Variants in DPY19L1 observed in about 807,000 individuals in gnomAD.
The protein encoded by DPY19L1 is protein C-mannosyl-transferase DPY19L1.
Under a neutral mutation model 96.9 loss-of-function variants are expected in DPY19L1, and 35 were observed. The ratio of observed to expected loss-of-function variants is 0.36; its 90% CI spans 0.28 to 0.48. The LOEUF (loss-of-function observed/expected upper bound fraction) is 0.48. Ranked by LOEUF, DPY19L1 falls within the 20% of genes least tolerant of loss-of-function variation. The pLI is 0.99. For synonymous variants in DPY19L1, 205 were observed against 252.6 expected, an observed-to-expected ratio of 0.81 and a Z score of 1.79; for missense variants, 521 against 777.9, an observed-to-expected ratio of 0.67 and a Z score of 3.93.
At chr7:35,035,456 TATC>T (rs1487916552) in intron 1 of DPY19L1, among the ~76,000 whole-genome samples, 2 of 152,204 alleles carry the variant, frequency 1.3e-5, no homozygotes, top group Non-Finnish European at 2.9e-5. Flanking sequence ...TAGCAATAAA[TATC>T]ATTATTCTAA....
chr7:34,998,669 A>G (rs1785351516), intron 6 of DPY19L1, among the ~76,000 whole-genome samples: 1 of 152,228 alleles, frequency 6.6e-6, no homozygotes, highest in Admixed American at 6.5e-5. Context: ...GGTCTCCCCA[A>G]ACAAAGCAGT....
At chr7:35,014,278 G>C (rs1351803620) in intron 3 of DPY19L1, among the ~76,000 whole-genome samples, 1 of 152,116 alleles carries the variant, frequency 6.6e-6, no homozygotes, top group African/African-American at 2.4e-5. Flanking sequence ...TCAGCATAAG[G>C]TAAGAACCCT....
upstream of DPY19L1, chr7:35,037,930 T>G: frequency 8.1e-7 from 1 of 1,228,932 alleles, no homozygotes; most frequent in Non-Finnish European, 1.0e-6. Flanking sequence ...AAGAGCCCTC[T>G]CGGGATCGGG....
chr7:35,002,180 C>G (rs1264396708), intron 6 of DPY19L1, among the ~76,000 whole-genome samples: 1 of 147,592 alleles, frequency 6.8e-6, no homozygotes, highest in African/African-American at 2.5e-5. Context: ...CCCACACACA[C>G]AAGCTAGAAG....
At chr7:34,933,436 T>C (rs1783800587) in intron 21 of DPY19L1, among the ~76,000 whole-genome samples, 2 of 152,258 alleles carry the variant, frequency 1.3e-5, no homozygotes, top group African/African-American at 4.8e-5. Context: ...CAGACACAGA[T>C]ATCATTATAT....
intron 5 of DPY19L1, 133 bp downstream of exon 5, chr7:35,011,197 C>G (rs774208820): frequency 9.1e-5 from 94 of 1,038,604 alleles, no homozygotes; most frequent in Non-Finnish European, 1.2e-4. Flanking sequence ...AAATTCTGGA[C>G]TTGCAGAATC....
At chr7:35,036,278 T>C (rs1218176227) in intron 1 of DPY19L1, among the ~76,000 whole-genome samples, 1 of 152,188 alleles carries the variant, frequency 6.6e-6, no homozygotes, top group African/African-American at 2.4e-5. Context: ...AAAAAAGCAA[T>C]GTAACAGCAT....
intron 7 of DPY19L1, among the ~76,000 whole-genome samples, chr7:34,976,111 A>C (rs1784825223): frequency 6.6e-6 from 1 of 152,244 alleles, no homozygotes; most frequent in African/African-American, 2.4e-5. Context: ...TCTAGCTGCT[A>C]TAGTGATTCC....
intron 6 of DPY19L1, among the ~76,000 whole-genome samples, chr7:34,993,798 G>T (rs1453278809): frequency 2.0e-5 from 3 of 151,994 alleles, no homozygotes; most frequent in Admixed American, 6.6e-5. Flanking sequence ...AGTGGCTCAT[G>T]CCTGTAATCT....
intron 1 of DPY19L1, among the ~76,000 whole-genome samples, chr7:35,035,956 A>T (rs1357225197): frequency 2.0e-5 from 3 of 152,110 alleles, no homozygotes; most frequent in Non-Finnish European, 4.4e-5. Flanking sequence ...ACAAACAAAC[A>T]AACAAAGAAA....
In DPY19L1 at chr7:34,975,873, A is replaced by G. The variant is rs556726755; in HGVS notation, c.823-2268T>C. ...CATCTGTTTTAGCATGATTGACCAG[A>G]TATTTTAAGCCCATTCTTGAGACCT... On this transcript the variant is annotated intron_variant, in intron 7 of 21. Coordinates refer to ENST00000638088, the MANE Select transcript of DPY19L1 (RefSeq NM_001366673.1). 4.6e-5 allele frequency among the ~76,000 whole-genome samples: 7 copies of G among 152,362 alleles called. No individual in the cohort carries two copies. In the South Asian group the frequency reaches 6.2e-4, roughly 14 times the overall value.
intron 10 of DPY19L1, among the ~76,000 whole-genome samples, chr7:34,961,707 A>G (rs1392698136): frequency 6.6e-6 from 1 of 152,220 alleles, no homozygotes; most frequent in Non-Finnish European, 1.5e-5. Context: ...TTGAGAGAAG[A>G]TATCTGCAAA....
intron 16 of DPY19L1, among the ~76,000 whole-genome samples, chr7:34,943,216 T>C (rs1010845773): frequency 3.3e-5 from 5 of 152,164 alleles, no homozygotes; most frequent in African/African-American, 9.7e-5. Context: ...GAATCTAGCC[T>C]CAAAAAGACT....
At chr7:35,021,714 G>C (rs1224007535) in intron 1 of DPY19L1, among the ~76,000 whole-genome samples, 1 of 152,184 alleles carries the variant, frequency 6.6e-6, no homozygotes, top group East Asian at 1.9e-4. Context: ...GCTGGACTCA[G>C]GAATTCTGCC....
intron 3 of DPY19L1, among the ~76,000 whole-genome samples, chr7:35,016,387 G>A (rs1785848954): frequency 6.6e-6 from 1 of 152,178 alleles, no homozygotes; most frequent in South Asian, 2.1e-4. Flanking sequence ...ACTAGAAGAT[G>A]CTAGGGAAGC....
intron 7 of DPY19L1, among the ~76,000 whole-genome samples, chr7:34,985,804 C>T (rs1019449634): frequency 3.3e-5 from 5 of 151,978 alleles, no homozygotes; most frequent in Non-Finnish European, 5.9e-5. Context: ...AATCCCACTT[C>T]AGAGTATATA....
At chr7:35,011,253 CA>C in intron 5 of DPY19L1, 76 bp downstream of exon 5, 1 of 1,507,316 alleles carries the variant, frequency 6.6e-7, no homozygotes, top group Middle Eastern at 2.4e-4. Context: ...ACTAAGTTTA[CA>C]GTGTAAGTTT....
intron 10 of DPY19L1, among the ~76,000 whole-genome samples, chr7:34,961,526 G>A (rs1443307462): frequency 6.6e-6 from 1 of 152,142 alleles, no homozygotes; most frequent in African/African-American, 2.4e-5. Context: ...AATGCACACT[G>A]CAAAACTATA....
At chr7:34,966,770 T>G in intron 10 of DPY19L1, 124 bp downstream of exon 10, 1 of 949,906 alleles carries the variant, frequency 1.1e-6, no homozygotes, top group South Asian at 1.8e-5. Context: ...TATATCACAA[T>G]GTTTGAACAA....
Sources: allele counts gnomAD v4.1 joint callset (sites outside exome capture counted in the v4.1 genomes callset), GRCh38; gene constraint gnomAD v4.1.1; transcripts MANE v1.5; gene names NCBI Gene and HGNC (gene_info 2026-07-23, HGNC 2026-07-21).